NAALADL2: variants seen among roughly 807,000 people sequenced by gnomAD.
The protein encoded by NAALADL2 is N-acetylated alpha-linked acidic dipeptidase like 2, also known as inactive N-acetylated-alpha-linked acidic dipeptidase-like protein 2.
Under a neutral mutation model 87.2 loss-of-function variants are expected in NAALADL2, and 76 were observed. The ratio of observed to expected loss-of-function variants is 0.87; its 90% CI spans 0.72 to 1.05. The LOEUF (loss-of-function observed/expected upper bound fraction) is 1.05. Among genes scored for constraint, NAALADL2 ranks in the 50% least tolerant of loss-of-function variants. NAALADL2 has a pLI of 0.00. For missense variants in NAALADL2, 1,089 were observed against 945.8 expected (o/e 1.15, Z -1.99); for synonymous variants, 354 against 331.0 (o/e 1.07, Z -0.75).
intron 3 of NAALADL2, among the ~76,000 whole-genome samples, chr3:174,742,714 A>G: frequency 6.6e-6 from 1 of 151,722 alleles, no homozygotes; most frequent in Non-Finnish European, 1.5e-5. Context: ...AGAAAAATAT[A>G]ACAATATTTT....
intron 9 of NAALADL2, among the ~76,000 whole-genome samples, chr3:175,485,063 T>A (rs1727055203): frequency 6.6e-6 from 1 of 152,164 alleles, no homozygotes; most frequent in Non-Finnish European, 1.5e-5. Flanking sequence ...GTGATCCTGG[T>A]TTAACAATGT....
intron 4 of NAALADL2, among the ~76,000 whole-genome samples, chr3:175,276,460 C>T (rs767053590): frequency 9.2e-5 from 14 of 152,058 alleles, no homozygotes; most frequent in Non-Finnish European, 1.9e-4. Flanking sequence ...TGTGCCACCA[C>T]GCCTGGCTAG....
chr3:174,965,958 A>G (rs995015170), intron 1 of NAALADL2, among the ~76,000 whole-genome samples: 11 of 152,122 alleles, frequency 7.2e-5, no homozygotes, highest in Admixed American at 5.2e-4. Context: ...GAGTAGGACA[A>G]TGAATTTGCT....
chr3:174,998,905 C>A (rs370411615), intron 1 of NAALADL2, among the ~76,000 whole-genome samples: 2 of 152,106 alleles, frequency 1.3e-5, no homozygotes, highest in Non-Finnish European at 2.9e-5. Flanking sequence ...GAAGAATAAT[C>A]ATCTATTAGA....
chr3:175,057,095 G>A (rs1212977975), intron 1 of NAALADL2, among the ~76,000 whole-genome samples: 2 of 152,186 alleles, frequency 1.3e-5, no homozygotes, highest in Admixed American at 1.3e-4. Context: ...GACACGACTT[G>A]AAGGTCACAG....
At chr3:174,479,020 A>T (rs1717386001) in intron 1 of NAALADL2, among the ~76,000 whole-genome samples, 2 of 152,134 alleles carry the variant, frequency 1.3e-5, no homozygotes, top group Admixed American at 6.6e-5. Context: ...CAAATTCTTT[A>T]TGTACTGCGT....
At chr3:174,468,463 C>T (rs1316215441) in intron 1 of NAALADL2, among the ~76,000 whole-genome samples, 1 of 150,368 alleles carries the variant, frequency 6.7e-6, no homozygotes, top group Non-Finnish European at 1.5e-5. Context: ...TCAGTGGAAC[C>T]TCTGCCTCCT....
chr3:175,216,941 A>C (rs1669507088), intron 2 of NAALADL2, among the ~76,000 whole-genome samples: 1 of 152,140 alleles, frequency 6.6e-6, no homozygotes, highest in African/African-American at 2.4e-5. Flanking sequence ...GGTTGGGATT[A>C]CAGGCGTGAG....
intron 1 of NAALADL2, among the ~76,000 whole-genome samples, chr3:174,512,769 G>A (rs947698038): frequency 4.6e-5 from 7 of 151,900 alleles, no homozygotes; most frequent in Admixed American, 4.6e-4. Context: ...TGATCTTCTT[G>A]TTTCCCTTCT....
At chr3:175,684,537 G>A (rs1320638458) in intron 11 of NAALADL2, among the ~76,000 whole-genome samples, 5 of 152,122 alleles carry the variant, frequency 3.3e-5, no homozygotes, top group Non-Finnish European at 5.9e-5. Flanking sequence ...GCTAACACCT[G>A]TAATTCCAGC....
At chr3:174,912,954 TTGA>T (rs911060156) in intron 1 of NAALADL2, among the ~76,000 whole-genome samples, 4 of 152,182 alleles carry the variant, frequency 2.6e-5, no homozygotes, top group African/African-American at 9.7e-5. Context: ...TTAAAAGACA[TTGA>T]TGATATCTAT....
In NAALADL2 at chr3:175,667,223, G is replaced by GAAAGAAAGAA. The variant is rs1733221854; in HGVS notation, c.1896+39839_1896+39848dup. On this transcript the variant is annotated intron_variant, in intron 11 of 13. Coordinates refer to ENST00000454872, the MANE Select transcript of NAALADL2 (RefSeq NM_207015.3). The stretch of plus-strand genomic sequence containing the variant: ...AGAAAGAAAGAAAGAAAGAAAGAAA[G>GAAAGAAAGAA]AAAGAAAGAAAGAAAGAAAAAGAAA... 2.4e-5 allele frequency among the ~76,000 whole-genome samples: 3 copies of GAAAGAAAGAA among 127,080 alleles called. No individual in the cohort carries two copies. The East Asian group carries it at 6.4e-4, about 27-fold the overall frequency. The allele number at this position is 127,080 out of a possible 152,430, so 83.4% of individuals were successfully genotyped here.
Position 174,799,685 on chromosome 3 carries a change from C to G in NAALADL2, c.-9+61939C>G, listed in dbSNP as rs189412641. 2.8e-3 allele frequency among the ~76,000 whole-genome samples: 432 copies of G among 152,076 alleles called. 1 individual carries two copies. Among genetic ancestry groups the G allele is most frequent in the African/African-American group, 9.9e-3 (411 of 41,486 alleles). On this transcript the variant is annotated intron_variant, in intron 3 of 3. Coordinates refer to the NAALADL2 transcript ENST00000434257. Reference sequence around the variant, plus strand: ...AAGTGGAGTGCCGCAGAAAAGATACCCAAAAATGTGGAAGTGACTTTCAAA... The same window carrying G: ...AAGTGGAGTGCCGCAGAAAAGATACGCAAAAATGTGGAAGTGACTTTCAAA...
chr3:174,645,039 G>A (rs1723636746), intron 2 of NAALADL2, among the ~76,000 whole-genome samples: 1 of 152,176 alleles, frequency 6.6e-6, no homozygotes, highest in African/African-American at 2.4e-5. Context: ...TACTTTGCCA[G>A]ATTCACAGAG....
intron 5 of NAALADL2, among the ~76,000 whole-genome samples, chr3:175,336,016 A>C (rs1340741948): frequency 6.6e-6 from 1 of 152,066 alleles, no homozygotes; most frequent in Non-Finnish European, 1.5e-5. Flanking sequence ...CACCACCTAT[A>C]TATTTACAAA....
chr3:174,820,671 A>G (rs185692209), intron 3 of NAALADL2, among the ~76,000 whole-genome samples: 2 of 152,298 alleles, frequency 1.3e-5, no homozygotes, highest in East Asian at 1.9e-4. Flanking sequence ...TTCTCTCTAT[A>G]GAAAATACTG....
intron 10 of NAALADL2, among the ~76,000 whole-genome samples, chr3:175,618,431 T>G (rs966628717): frequency 6.6e-6 from 1 of 152,220 alleles, no homozygotes; most frequent in Non-Finnish European, 1.5e-5. Context: ...GAGACATCTC[T>G]GCAGTTTGCT....
At chr3:174,931,620 T>C (rs901326896) in intron 1 of NAALADL2, among the ~76,000 whole-genome samples, 3 of 152,196 alleles carry the variant, frequency 2.0e-5, no homozygotes, top group African/African-American at 7.2e-5. Context: ...GACATCCCTA[T>C]GGCACTACTA....
At chr3:175,684,208 T>C (rs1735974242) in intron 11 of NAALADL2, among the ~76,000 whole-genome samples, 1 of 151,996 alleles carries the variant, frequency 6.6e-6, no homozygotes, top group Non-Finnish European at 1.5e-5. Context: ...AAATATGCCA[T>C]GCTGTCTGAG....
Sources: gnomAD v4.1 joint callset for allele counts (sites outside exome capture counted in the v4.1 genomes callset) on GRCh38, gnomAD v4.1.1 for gene constraint, MANE v1.5 for transcripts, NCBI Gene and HGNC (gene_info 2026-07-23, HGNC 2026-07-21) for gene names.